Variants in NECAB1 observed in about 807,000 individuals in gnomAD.
The protein encoded by NECAB1 is N-terminal EF-hand calcium binding protein 1, also known as N-terminal EF-hand calcium-binding protein 1.
In NECAB1, 29 loss-of-function variants were observed where a neutral mutation model predicts 57.5. The observed-to-expected ratio is 0.50, with a 90% CI of 0.38 to 0.69. The LOEUF (loss-of-function observed/expected upper bound fraction) is 0.69, where lower values mean the gene tolerates loss of function less well. Ranked by LOEUF, NECAB1 falls within the 30% of genes least tolerant of loss-of-function variation. NECAB1 has a pLI of 0.00. For missense variants in NECAB1, 372 were observed against 413.8 expected, an observed-to-expected ratio of 0.90 and a Z score of 0.88; for synonymous variants, 142 against 147.7, an observed-to-expected ratio of 0.96 and a Z score of 0.28.
intron 5 of NECAB1, among the ~76,000 whole-genome samples, chr8:90,903,575 G>A (rs1440125450): frequency 6.6e-6 from 1 of 152,064 alleles, no homozygotes; most frequent in Non-Finnish European, 1.5e-5. Context: ...TCTGACTTTA[G>A]GCAGATTACT....
At chr8:90,828,402 T>C (rs1490425702) in intron 3 of NECAB1, among the ~76,000 whole-genome samples, 1 of 152,072 alleles carries the variant, frequency 6.6e-6, no homozygotes, top group African/African-American at 2.4e-5. Flanking sequence ...GGAAAGTGTC[T>C]AGCAGTTGTA....
At chr8:90,856,405 A>C (rs1812795091) in intron 3 of NECAB1, among the ~76,000 whole-genome samples, 1 of 152,166 alleles carries the variant, frequency 6.6e-6, no homozygotes, top group Admixed American at 6.5e-5. Flanking sequence ...ATCACCCTCA[A>C]AGCACCCCAG....
chr8:90,827,580 A>C (rs552188752), intron 3 of NECAB1, among the ~76,000 whole-genome samples: 2 of 152,146 alleles, frequency 1.3e-5, no homozygotes, highest in East Asian at 3.9e-4. Flanking sequence ...TAAAAATTCA[A>C]GTCTTTTTGC....
At chr8:90,931,977 TAAC>T (rs1810420955) in intron 8 of NECAB1, among the ~76,000 whole-genome samples, 1 of 151,938 alleles carries the variant, frequency 6.6e-6, no homozygotes, top group Non-Finnish European at 1.5e-5. Flanking sequence ...TTAAACAAAA[TAAC>T]AACAAGGACA....
intron 3 of NECAB1, among the ~76,000 whole-genome samples, chr8:90,859,717 C>T (rs377559880): frequency 3.9e-5 from 6 of 152,064 alleles, no homozygotes; most frequent in African/African-American, 1.4e-4. Context: ...TCCAAAAAAT[C>T]GTAAACATTA....
intron 5 of NECAB1, among the ~76,000 whole-genome samples, chr8:90,883,545 T>C (rs1808896404): frequency 6.6e-6 from 1 of 152,160 alleles, no homozygotes; most frequent in Non-Finnish European, 1.5e-5. Context: ...AGTACCTCTG[T>C]TTGCAGTGTC....
intron 6 of NECAB1, among the ~76,000 whole-genome samples, chr8:90,921,533 T>C (rs1051110334): frequency 6.6e-6 from 1 of 151,920 alleles, no homozygotes; most frequent in African/African-American, 2.4e-5. Flanking sequence ...TAGCCCGGCA[T>C]GGTGGTGGCA....
At chr8:90,918,609 A>C (rs1480298567) in intron 6 of NECAB1, among the ~76,000 whole-genome samples, 1 of 152,164 alleles carries the variant, frequency 6.6e-6, no homozygotes, top group Non-Finnish European at 1.5e-5. Flanking sequence ...TGTCTTGCAA[A>C]ATCAAGAGAT....
chr8:90,920,437 T>C (rs1810078576), intron 6 of NECAB1, among the ~76,000 whole-genome samples: 1 of 152,156 alleles, frequency 6.6e-6, no homozygotes, highest in African/African-American at 2.4e-5. Flanking sequence ...CCTGGGACCT[T>C]CATCAGTGAG....
rs767149050 is a variant in NECAB1, at chr8:90,940,890, A to G, written c.852A>G (p.Gly284=). The change falls in exon 10 of 13, where the codon GGA becomes GGG. Residue 284 remains glycine (G), a synonymous_variant. Coordinates refer to ENST00000417640, the MANE Select transcript of NECAB1 (RefSeq NM_022351.5). ...HYVESASSQS[G]CLRISIQKLS... The stretch of plus-strand genomic sequence containing the variant: ...TGGAGAGTGCTTCCTCCCAAAGTGG[A>G]TGCTTGCGGTAAGTGCTCCGACTCC... 6.4e-7 allele frequency: 1 copy of G among 1,557,568 alleles called. No homozygotes were observed. The highest frequency in any genetic ancestry group is 1.2e-5 in the South Asian group (1 of 84,294).
intron 4 of NECAB1, among the ~76,000 whole-genome samples, chr8:90,878,237 G>A (rs1208746949): frequency 1.3e-5 from 2 of 151,908 alleles, no homozygotes. Context: ...GTTGTTACTT[G>A]GAATGTTTCT....
intron 3 of NECAB1, 74 bp from the exon 4 acceptor site, chr8:90,872,054 T>C (rs937324126): frequency 5.1e-6 from 6 of 1,170,788 alleles, no homozygotes; most frequent in South Asian, 2.8e-5. Context: ...ACTAACTGTA[T>C]TTAACTATTT....
chr8:90,934,491 G>C (rs1810484804), intron 9 of NECAB1, 134 bp downstream of exon 9: 1 of 631,256 alleles, frequency 1.6e-6, no homozygotes, highest in African/African-American at 1.9e-5. Context: ...AGATTCAGTA[G>C]TGTTGTTTCT....
intron 1 of NECAB1, among the ~76,000 whole-genome samples, chr8:90,795,906 G>C (rs560979340): frequency 2.4e-4 from 36 of 152,276 alleles, no homozygotes; most frequent in African/African-American, 8.7e-4. Flanking sequence ...GTGATGGATT[G>C]ATAGGTGCAG....
chr8:90,796,627 A>G (rs1811665341), intron 1 of NECAB1, among the ~76,000 whole-genome samples: 1 of 152,236 alleles, frequency 6.6e-6, no homozygotes, highest in Non-Finnish European at 1.5e-5. Context: ...TAGCGAAAAC[A>G]CAGTATTGCC....
chr8:90,847,999 T>A (rs2129765482), intron 3 of NECAB1, among the ~76,000 whole-genome samples: 1 of 152,370 alleles, frequency 6.6e-6, no homozygotes, highest in Admixed American at 6.5e-5. Context: ...TATGCAAATT[T>A]CTGTAGCAGG....
chr8:90,820,677 GTCTTTT>G (rs1353769775), intron 2 of NECAB1, among the ~76,000 whole-genome samples: 285 of 97,112 alleles, frequency 2.9e-3, no homozygotes, highest in African/African-American at 0.02. Flanking sequence ...TGTTTAAATA[GTCTTTT>G]TTTTTTTTTT....
intron 3 of NECAB1, among the ~76,000 whole-genome samples, chr8:90,866,480 T>C (rs1808515322): frequency 6.6e-6 from 1 of 152,214 alleles, no homozygotes. Context: ...GCACTGGTAA[T>C]ATTCAGACTG....
intron 5 of NECAB1, among the ~76,000 whole-genome samples, chr8:90,895,749 CAA>C (rs1220427469): frequency 1.3e-5 from 2 of 152,216 alleles, no homozygotes; most frequent in African/African-American, 4.8e-5. Context: ...GTGGCCTCTT[CAA>C]AGAGAGGAGT....
Sources: gnomAD v4.1 joint callset for allele counts (sites outside exome capture counted in the v4.1 genomes callset) on GRCh38, gnomAD v4.1.1 for gene constraint, MANE v1.5 for transcripts, NCBI Gene and HGNC (gene_info 2026-07-23, HGNC 2026-07-21) for gene names.